DOCK3: variants seen among roughly 807,000 people sequenced by gnomAD.
DOCK3 encodes dedicator of cytokinesis 3, also known as dedicator of cytokinesis protein 3.
In DOCK3, 60 loss-of-function variants were observed where a neutral mutation model predicts 265.6. That is an observed-to-expected ratio of 0.23 (90% CI 0.18 to 0.28). The LOEUF is 0.28. Ranked by LOEUF, DOCK3 falls within the 10% of genes least tolerant of loss-of-function variation. The pLI is 1.00. For synonymous variants in DOCK3, 881 were observed against 938.0 expected (o/e 0.94, Z 1.11); for missense variants, 1,981 against 2,594.3 (o/e 0.76, Z 5.14).
At chr3:51,192,951 T>A (rs2088040154) in intron 12 of DOCK3, among the ~76,000 whole-genome samples, 2 of 152,202 alleles carry the variant, frequency 1.3e-5, no homozygotes, top group Non-Finnish European at 2.9e-5. Context: ...TTCAGTACAA[T>A]ATTGAATAGG....
intron 21 of DOCK3, among the ~76,000 whole-genome samples, chr3:51,244,623 G>A (rs1484125187): frequency 6.6e-6 from 1 of 152,076 alleles, no homozygotes; most frequent in African/African-American, 2.4e-5. Context: ...TATATCATTT[G>A]AAAACAGAGC....
chr3:50,740,564 A>G (rs1175979666), intron 1 of DOCK3, among the ~76,000 whole-genome samples: 2 of 152,134 alleles, frequency 1.3e-5, no homozygotes, highest in African/African-American at 2.4e-5. Context: ...TTAGCAGTCT[A>G]TAGGTGTGTA....
chr3:51,198,948 G>A (rs2088505777), intron 12 of DOCK3, among the ~76,000 whole-genome samples: 1 of 152,086 alleles, frequency 6.6e-6, no homozygotes, highest in Non-Finnish European at 1.5e-5. Context: ...AGAATCGCTT[G>A]AAACCAGGGA....
chr3:51,180,226 A>AC (rs11401197), intron 12 of DOCK3, among the ~76,000 whole-genome samples: 7 of 91,372 alleles, frequency 7.7e-5, no homozygotes, highest in East Asian at 6.1e-4. Context: ...AAAAAAAAAA[A>AC]CACACACACA....
chr3:51,178,588 G>A (rs941766730), intron 12 of DOCK3, among the ~76,000 whole-genome samples: 6 of 152,166 alleles, frequency 3.9e-5, no homozygotes, highest in Non-Finnish European at 8.8e-5. Flanking sequence ...GGGGACCTTG[G>A]AAGAGTCTCT....
intron 3 of DOCK3, among the ~76,000 whole-genome samples, chr3:50,850,374 A>AAT (rs36002016): frequency 2.0e-4 from 31 of 151,540 alleles, no homozygotes; most frequent in African/African-American, 7.3e-4. Flanking sequence ...AAAAAAAAAA[A>AAT]GTTTCTTTGT....
intron 5 of DOCK3, among the ~76,000 whole-genome samples, chr3:50,978,412 G>A (rs1466420043): frequency 1.6e-5 from 1 of 63,470 alleles, no homozygotes; most frequent in Non-Finnish European, 5.2e-5. Context: ...CGTGTGAGGT[G>A]TCAGTGTGCC....
At chr3:50,795,834 T>C (rs2042741828) in intron 2 of DOCK3, among the ~76,000 whole-genome samples, 1 of 152,242 alleles carries the variant, frequency 6.6e-6, no homozygotes, top group Non-Finnish European at 1.5e-5. Flanking sequence ...TTTGCAGCTC[T>C]TTCAGGTCAG....
chr3:51,372,411 C>T (rs1002079293), intron 49 of DOCK3, among the ~76,000 whole-genome samples: 1 of 152,172 alleles, frequency 6.6e-6, no homozygotes, highest in South Asian at 2.1e-4. Context: ...CACAGAGCAC[C>T]CCTTTGTGGC....
At chr3:50,904,017 TG>T (rs1251580533) in intron 4 of DOCK3, among the ~76,000 whole-genome samples, 2 of 152,170 alleles carry the variant, frequency 1.3e-5, no homozygotes, top group African/African-American at 4.8e-5. Context: ...ATGTGGTGTT[TG>T]GTTTTTTGTC....
chr3:50,676,603 C>T (rs555629647), intron 1 of DOCK3, among the ~76,000 whole-genome samples: 20 of 151,894 alleles, frequency 1.3e-4, no homozygotes, highest in African/African-American at 4.8e-4. Flanking sequence ...CTCCATAACT[C>T]GCTCCCAGAA....
intron 12 of DOCK3, among the ~76,000 whole-genome samples, chr3:51,204,851 T>C (rs2089072812): frequency 6.6e-6 from 1 of 151,870 alleles, no homozygotes; most frequent in Non-Finnish European, 1.5e-5. Flanking sequence ...AAAGGATGAG[T>C]TCATGTCCTT....
intron 36 of DOCK3, 41 bp downstream of exon 36, chr3:51,338,460 A>G: frequency 1.3e-6 from 2 of 1,550,736 alleles, no homozygotes; most frequent in Non-Finnish European, 1.7e-6. Flanking sequence ...GCCTACTGAA[A>G]TGGTTTCTGT....
At chr3:51,358,117 A>G (rs1162266612) in intron 46 of DOCK3, 40 bp downstream of exon 46, 1 of 1,594,912 alleles carries the variant, frequency 6.3e-7, no homozygotes, top group Non-Finnish European at 8.6e-7. Context: ...CAGTAGAACC[A>G]GGTGTCACTT....
At chr3:51,293,620 C>T (rs1352180934) in intron 27 of DOCK3, among the ~76,000 whole-genome samples, 1 of 152,032 alleles carries the variant, frequency 6.6e-6, no homozygotes, top group Non-Finnish European at 1.5e-5. Flanking sequence ...AATGGGATTG[C>T]ATCAAACTAA....
chr3:51,087,399 A>G (rs4269109), intron 7 of DOCK3, among the ~76,000 whole-genome samples: 137,180 of 152,234 alleles, frequency 0.9, 62,006 homozygotes, highest in African/African-American at 0.95. Flanking sequence ...TGATCATCTC[A>G]ATAGTCACAG....
chr3:51,326,976 A>G (rs934290981), intron 32 of DOCK3, among the ~76,000 whole-genome samples: 4 of 152,138 alleles, frequency 2.6e-5, no homozygotes, highest in Non-Finnish European at 4.4e-5. Context: ...TAATATTGCA[A>G]AAAACATTTA....
rs35402276 is a variant in DOCK3 at position 51,317,581 on chromosome 3, A to AAATAATAATAAT, written c.3402+2484_3402+2495dup. Among the ~76,000 whole-genome samples, 350 of 139,140 alleles carry AAATAATAATAAT rather than the reference A, an allele frequency of 2.5e-3. 2 individuals carry two copies. The highest frequency in any genetic ancestry group is 8.3e-3 in the South Asian group (35 of 4,212). 91.3% of individuals were successfully genotyped at this position (139,140 alleles called of 152,430 possible). A position where few individuals can be genotyped will look rare whatever the true frequency, so the allele number is the denominator to read the frequency against. ...GGCAACAGAGCGAGACTCCATCACA[A>AAATAATAATAAT]AATAATAATAATAATAATAATAATA... On this transcript the variant is annotated intron_variant, in intron 32 of 52. Transcript: ENST00000266037.
At chr3:51,269,961 G>A (rs1369489043) in intron 23 of DOCK3, among the ~76,000 whole-genome samples, 1 of 152,144 alleles carries the variant, frequency 6.6e-6, no homozygotes. Context: ...GGTAAAGCTT[G>A]GATTTGAACT....
Sources: allele counts gnomAD v4.1 joint callset (sites outside exome capture counted in the v4.1 genomes callset), GRCh38; gene constraint gnomAD v4.1.1; transcripts MANE v1.5; gene names NCBI Gene and HGNC (gene_info 2026-07-23, HGNC 2026-07-21).